The following DOK6 variants were observed in gnomAD, a reference collection of about 807,000 sequenced individuals.
DOK6 encodes the protein downstream of tyrosine kinase 6.
A neutral mutation model predicts 44.0 loss-of-function variants in DOK6; 22 were observed. The ratio of observed to expected loss-of-function variants is 0.50; its 90% CI spans 0.36 to 0.71. The LOEUF is 0.71. Ranked by LOEUF, DOK6 falls within the 30% of genes least tolerant of loss-of-function variation. The probability of loss-of-function intolerance (pLI) is 0.00; values close to 1 mark genes in which losing one functional copy is unlikely to be tolerated. For missense variants in DOK6, 340 were observed against 416.4 expected (o/e 0.82, Z 1.60); for synonymous variants, 166 against 145.5 (o/e 1.14, Z -1.01).
At chr18:69,644,608 T>A (rs764888958) in intron 3 of DOK6, among the ~76,000 whole-genome samples, 1 of 152,198 alleles carries the variant, frequency 6.6e-6, no homozygotes, top group African/African-American at 2.4e-5. Flanking sequence ...TAATCATTAA[T>A]CTATGTATCT....
At chr18:69,529,573 G>A (rs1348295) in intron 1 of DOK6, among the ~76,000 whole-genome samples, 4,586 of 152,114 alleles carry the variant, frequency 0.03, 83 homozygotes, top group Middle Eastern at 0.048. Flanking sequence ...GCAAGATAGC[G>A]TAATGGGCAC....
At chr18:69,512,073 G>A (rs8082850) in intron 1 of DOK6, among the ~76,000 whole-genome samples, 9 of 150,774 alleles carry the variant, frequency 6.0e-5, no homozygotes, top group African/African-American at 2.2e-4. Flanking sequence ...GTTCATCATC[G>A]CCCCATCCCC....
intron 1 of DOK6, chr18:69,471,584 T>G (rs1980111049): frequency 2.6e-5 from 2 of 77,784 alleles, no homozygotes; most frequent in African/African-American, 8.2e-5. Flanking sequence ...AGGGTTTTTT[T>G]GTTTTTTTTT....
At chr18:69,701,811 G>A (rs2144706225) in intron 5 of DOK6, among the ~76,000 whole-genome samples, 1 of 152,206 alleles carries the variant, frequency 6.6e-6, no homozygotes, top group African/African-American at 2.4e-5. Context: ...TTATGAAAAG[G>A]TGGTTAGTGG....
Position 69,671,650 on chromosome 18 carries a change from T to A in DOK6, c.290-6084T>A, listed in dbSNP as rs1396567013. On this transcript the variant is annotated intron_variant, in intron 3 of 7. Coordinates refer to ENST00000382713, the MANE Select transcript of DOK6 (RefSeq NM_152721.6). ...ACCATGTCAGGTAGTGCTCTGTTTC[T>A]TTTTCTAAAGATCTATTTTATCTAG... 2.0e-5 allele frequency among the ~76,000 whole-genome samples: 3 copies of A among 152,336 alleles called. No individual in the cohort carries two copies. In the East Asian group the frequency reaches 5.8e-4, roughly 29 times the overall value.
At chr18:69,467,035 G>T (rs566627025) in intron 1 of DOK6, among the ~76,000 whole-genome samples, 99 of 152,168 alleles carry the variant, frequency 6.5e-4, no homozygotes, top group Non-Finnish European at 1.1e-3. Context: ...AAGTAGCAAC[G>T]TCAAAGAGAT....
At chr18:69,424,301 A>G (rs1262453300) in intron 1 of DOK6, among the ~76,000 whole-genome samples, 1 of 152,196 alleles carries the variant, frequency 6.6e-6, no homozygotes, top group African/African-American at 2.4e-5. Context: ...TCAGCAACCC[A>G]TGACAGTGTG....
At chr18:69,783,031 C>T (rs1231500346) in intron 7 of DOK6, among the ~76,000 whole-genome samples, 1 of 152,148 alleles carries the variant, frequency 6.6e-6, no homozygotes, top group African/African-American at 2.4e-5. Context: ...TGGTATATTT[C>T]GTTTGCTTGA....
chr18:69,675,978 G>T (rs769748535), intron 3 of DOK6, among the ~76,000 whole-genome samples: 3 of 152,046 alleles, frequency 2.0e-5, no homozygotes, highest in Non-Finnish European at 4.4e-5. Context: ...CACAAATGGT[G>T]CATTTATTAT....
intron 7 of DOK6, among the ~76,000 whole-genome samples, chr18:69,794,178 A>T (rs944378642): frequency 2.0e-5 from 3 of 152,028 alleles, no homozygotes; most frequent in Middle Eastern, 3.2e-3. Flanking sequence ...TTTCCATGTC[A>T]TTGGGGCCCC....
In DOK6 at chr18:69,677,799, A is replaced by T. The variant is rs1214539372; in HGVS notation, c.355A>T (p.Ile119Phe). ...GTGTCTGGGGACCAGGCTCAATGATATCAGCCTTGGGGAGCCCGACCTTCT... is the reference window on the plus strand; with the variant it reads ...GTGTCTGGGGACCAGGCTCAATGATTTCAGCCTTGGGGAGCCCGACCTTCT... The part of the protein sequence containing the change: ...MECLGTRLND[I>F]SLGEPDLLAA... Residue 119 changes from isoleucine to phenylalanine, a missense_variant, in exon 4 of 8, where the codon ATC (isoleucine) becomes TTC (phenylalanine). By Grantham distance (21) the Ile-to-Phe change is conservative. Coordinates refer to ENST00000382713, the MANE Select transcript of DOK6 (RefSeq NM_152721.6). 1 of 1,613,844 alleles carries T rather than the reference A, an allele frequency of 6.2e-7. No homozygotes were observed. Among genetic ancestry groups the T allele is most frequent in the South Asian group, 1.1e-5 (1 of 91,072 alleles).
intron 1 of DOK6, among the ~76,000 whole-genome samples, chr18:69,516,507 A>G (rs762884953): frequency 2.0e-5 from 3 of 152,186 alleles, no homozygotes; most frequent in Non-Finnish European, 4.4e-5. Context: ...GAAACACTTC[A>G]TTTGCAAGAA....
chr18:69,690,141 G>A (rs976434384), intron 4 of DOK6, among the ~76,000 whole-genome samples: 2 of 151,436 alleles, frequency 1.3e-5, no homozygotes, highest in Non-Finnish European at 2.9e-5. Context: ...GTCAATTTTT[G>A]TAAAGCAAAA....
intron 2 of DOK6, among the ~76,000 whole-genome samples, chr18:69,579,036 G>GA (rs1366085592): frequency 4.1e-4 from 62 of 152,238 alleles, no homozygotes; most frequent in Admixed American, 1.5e-3. Context: ...TGCAGACTGA[G>GA]AAAAAACACT....
intron 1 of DOK6, among the ~76,000 whole-genome samples, chr18:69,447,247 G>A (rs1246269198): frequency 6.6e-6 from 1 of 152,114 alleles, no homozygotes; most frequent in Non-Finnish European, 1.5e-5. Flanking sequence ...TGTAAGGAAG[G>A]GATCCAATTT....
intron 2 of DOK6, among the ~76,000 whole-genome samples, chr18:69,597,728 G>A (rs893060957): frequency 4.2e-5 from 6 of 142,854 alleles, no homozygotes; most frequent in East Asian, 2.0e-4. Flanking sequence ...AGCTGGAAGC[G>A]TGCACATCTG....
intron 2 of DOK6, among the ~76,000 whole-genome samples, chr18:69,568,235 C>T (rs1336356858): frequency 6.6e-6 from 1 of 152,212 alleles, no homozygotes; most frequent in East Asian, 1.9e-4. Flanking sequence ...CTTTTACAAA[C>T]AATAGTGGCT....
rs188214069 is a variant in DOK6 at position 69,473,514 on chromosome 18, C to T, written c.66+72204C>T. Among the ~76,000 whole-genome samples, 233 of 152,276 alleles carry T rather than the reference C, an allele frequency of 1.5e-3. 1 individual carries two copies. Among genetic ancestry groups the T allele is most frequent in the African/African-American group, 5.4e-3 (223 of 41,548 alleles). The stretch of plus-strand genomic sequence containing the variant: ...CTGTTAACTCAGACTCACCTGATTT[C>T]TTTCAGCCATTGAAGATCCCTACAT... On this transcript the variant is annotated intron_variant, in intron 1 of 7. Transcript: ENST00000382713.
At chr18:69,427,778 A>C (rs1425039341) in intron 1 of DOK6, among the ~76,000 whole-genome samples, 4 of 120,204 alleles carry the variant, frequency 3.3e-5, no homozygotes, top group African/African-American at 1.3e-4. Context: ...GGAATACCCT[A>C]CCTTTTTTTT....
Sources: allele counts gnomAD v4.1 joint callset (sites outside exome capture counted in the v4.1 genomes callset), GRCh38; gene constraint gnomAD v4.1.1; transcripts MANE v1.5; gene names NCBI Gene and HGNC (gene_info 2026-07-23, HGNC 2026-07-21).